TRPC4: variants seen among roughly 807,000 people sequenced by gnomAD.
The protein encoded by TRPC4 is transient receptor potential cation channel subfamily C member 4.
A neutral mutation model predicts 99.4 loss-of-function variants in TRPC4; 49 were observed. That is an observed-to-expected ratio of 0.49 (90% CI 0.39 to 0.63). The LOEUF (loss-of-function observed/expected upper bound fraction) is 0.63, where lower values mean the gene tolerates loss of function less well. TRPC4 is among the 20% of genes least tolerant of loss of function. The pLI, the probability that TRPC4 is intolerant of heterozygous loss-of-function variation, is 0.00. For synonymous variants in TRPC4, 454 were observed against 425.9 expected (o/e 1.07, Z -0.81); for missense variants, 898 against 1,152.9 (o/e 0.78, Z 3.20).
chr13:37,714,697 C>T (rs1352399374), intron 3 of TRPC4, among the ~76,000 whole-genome samples: 1 of 152,132 alleles, frequency 6.6e-6, no homozygotes, highest in African/African-American at 2.4e-5. Context: ...AAGTATCACC[C>T]CACATGATGC....
chr13:37,836,507 G>T (rs1416810990), intron 1 of TRPC4, among the ~76,000 whole-genome samples: 2 of 152,110 alleles, frequency 1.3e-5, no homozygotes, highest in South Asian at 2.1e-4. Flanking sequence ...AAATTTTTGG[G>T]AACTGGAGTA....
chr13:37,752,802 A>G (rs1955970966), intron 2 of TRPC4, among the ~76,000 whole-genome samples: 2 of 152,108 alleles, frequency 1.3e-5, no homozygotes, highest in Non-Finnish European at 1.5e-5. Flanking sequence ...CAAACAAAAA[A>G]AATAAAGAAG....
intron 4 of TRPC4, 77 bp downstream of exon 4, chr13:37,691,922 T>C: frequency 7.3e-7 from 1 of 1,368,234 alleles, no homozygotes; most frequent in South Asian, 1.4e-5. Context: ...TCCCAAACAT[T>C]AATGAATATT....
intron 1 of TRPC4, among the ~76,000 whole-genome samples, chr13:37,791,291 G>A (rs1266357280): frequency 6.6e-6 from 1 of 151,806 alleles, no homozygotes; most frequent in Admixed American, 6.6e-5. Context: ...AGCTACTTGG[G>A]AGGCTGAGGC....
chr13:37,695,652 T>A (rs1953880130), intron 3 of TRPC4, among the ~76,000 whole-genome samples: 1 of 152,242 alleles, frequency 6.6e-6, no homozygotes, highest in African/African-American at 2.4e-5. Flanking sequence ...TGTGCACTTA[T>A]AAAAGACGCT....
intron 1 of TRPC4, among the ~76,000 whole-genome samples, chr13:37,804,448 A>G (rs951640222): frequency 2.6e-5 from 4 of 152,094 alleles, no homozygotes; most frequent in Non-Finnish European, 4.4e-5. Flanking sequence ...GAGAAGAACT[A>G]TGGAAAGAGG....
At chr13:37,730,606 C>G (rs919428960) in intron 3 of TRPC4, among the ~76,000 whole-genome samples, 1 of 151,952 alleles carries the variant, frequency 6.6e-6, no homozygotes, top group African/African-American at 2.4e-5. Flanking sequence ...CACACACACA[C>G]AGATTCATTT....
At chr13:37,759,695 A>G (rs891961556) in intron 2 of TRPC4, among the ~76,000 whole-genome samples, 2 of 151,932 alleles carry the variant, frequency 1.3e-5, no homozygotes, top group African/African-American at 2.4e-5. Flanking sequence ...TTTGTCCATC[A>G]TATGGTCAAG....
At position 37,635,061 on chromosome 13, in the gene TRPC4, T is replaced by C. The variant is rs1174615529; in HGVS notation, c.*1842A>G. Among the ~76,000 whole-genome samples the C allele has an allele frequency of 4.6e-5, 7 of 152,084 alleles. No homozygotes were observed. The highest frequency in any genetic ancestry group is 1.7e-4 in the African/African-American group (7 of 41,436). On this transcript the variant is annotated 3_prime_UTR_variant, in exon 11 of 11. Coordinates refer to ENST00000379705, the MANE Select transcript of TRPC4 (RefSeq NM_016179.4). ...ATATGTTTTTAAAATCTACTAACTT[T>C]AATGTAATTTAGTCTAAAGAATCAA... is the stretch of plus-strand genomic sequence containing the variant.
chr13:37,759,424 G>T (rs1031504376), intron 2 of TRPC4, among the ~76,000 whole-genome samples: 1 of 151,716 alleles, frequency 6.6e-6, no homozygotes, highest in Non-Finnish European at 1.5e-5. Context: ...TGAGTGGAAT[G>T]GCCAAGGATA....
In TRPC4 at chr13:37,814,005, C is replaced by A. The variant is rs562577715; in HGVS notation, c.-27-30645G>T. 2.6e-5 allele frequency among the ~76,000 whole-genome samples: 4 copies of A among 151,866 alleles called. No individual in the cohort carries two copies. The East Asian group carries it at 7.7e-4, about 29-fold the overall frequency. On this transcript the variant is annotated intron_variant, in intron 1 of 10. Transcript: ENST00000379705. ...TATATTATGACCTAGTGGAGTTACT[C>A]TAGATTGCAAATTTAGTTCAACAGA...
chr13:37,789,873 T>C (rs1957069643), intron 1 of TRPC4, among the ~76,000 whole-genome samples: 1 of 152,110 alleles, frequency 6.6e-6, no homozygotes, highest in African/African-American at 2.4e-5. Context: ...TGCTGATGTT[T>C]ACAGGGGAAT....
At position 37,635,035 on chromosome 13, in the gene TRPC4, A is replaced by C. The variant is rs1951477850; in HGVS notation, c.*1868T>G. Among the ~76,000 whole-genome samples, 1 of 147,430 alleles carries C rather than the reference A, an allele frequency of 6.8e-6. No individual in the cohort carries two copies. The highest frequency in any genetic ancestry group is 2.5e-5 in the African/African-American group (1 of 40,486). ...AATTGAGTTCTGAGATCACATAATA[A>C]ATATGTTTTTAAAATCTACTAACTT... On this transcript the variant is annotated 3_prime_UTR_variant, in exon 11 of 11. Coordinates refer to ENST00000379705, the MANE Select transcript of TRPC4 (RefSeq NM_016179.4).
chr13:37,781,785 G>T (rs1006998481), intron 2 of TRPC4, among the ~76,000 whole-genome samples: 2 of 151,922 alleles, frequency 1.3e-5, no homozygotes, highest in Non-Finnish European at 2.9e-5. Flanking sequence ...GGTTGAATGG[G>T]GATGAAACAT....
intron 3 of TRPC4, among the ~76,000 whole-genome samples, chr13:37,723,088 C>A (rs779182338): frequency 5.9e-5 from 9 of 152,120 alleles, no homozygotes; most frequent in Non-Finnish European, 1.3e-4. Flanking sequence ...TCTCTTCAAA[C>A]ATATAAACAC....
At chr13:37,731,101 A>T (rs1259601850) in intron 3 of TRPC4, among the ~76,000 whole-genome samples, 1 of 152,044 alleles carries the variant, frequency 6.6e-6, no homozygotes, top group African/African-American at 2.4e-5. Flanking sequence ...ATAATACACA[A>T]CATGTTAGAT....
At chr13:37,644,969 C>T (rs1477475671) in intron 8 of TRPC4, among the ~76,000 whole-genome samples, 2 of 147,502 alleles carry the variant, frequency 1.4e-5, no homozygotes, top group African/African-American at 5.0e-5. Flanking sequence ...GTGTTTAAGA[C>T]AGAAAAAATG....
intron 3 of TRPC4, among the ~76,000 whole-genome samples, chr13:37,716,636 A>C (rs1954677109): frequency 6.6e-6 from 1 of 152,090 alleles, no homozygotes; most frequent in East Asian, 1.9e-4. Context: ...CATTCTGAGG[A>C]CATAAAAGAC....
chr13:37,827,996 C>T (rs541483771), intron 1 of TRPC4, among the ~76,000 whole-genome samples: 25 of 152,252 alleles, frequency 1.6e-4, no homozygotes, highest in South Asian at 4.1e-4. Flanking sequence ...TTAAGCCCGT[C>T]GGAAAAGTGC....
Sources: allele counts gnomAD v4.1 joint callset (sites outside exome capture counted in the v4.1 genomes callset), GRCh38; gene constraint gnomAD v4.1.1; transcripts MANE v1.5; gene names NCBI Gene and HGNC (gene_info 2026-07-23, HGNC 2026-07-21).